Variants in MILR1 observed in about 807,000 individuals in gnomAD.
The protein encoded by MILR1 is mast cell immunoglobulin like receptor 1.
A neutral mutation model predicts 18.5 loss-of-function variants in MILR1; 31 were observed. The observed-to-expected ratio is 1.68, with a 90% CI of 1.26 to 2.26. The LOEUF (loss-of-function observed/expected upper bound fraction) is 2.26. Among genes scored for constraint, MILR1 ranks in the 30% most tolerant of loss-of-function variants. MILR1 has a pLI of 0.00. For synonymous variants in MILR1, 85 were observed against 56.2 expected, an observed-to-expected ratio of 1.51 and a Z score of -2.30; for missense variants, 257 against 157.4, an observed-to-expected ratio of 1.63 and a Z score of -3.38.
the MILR1 span, chr17:64,477,959 A>G: frequency 1.2e-6 from 2 of 1,613,952 alleles, no homozygotes; most frequent in Non-Finnish European, 1.7e-6. Flanking sequence ...AGTAACCAAA[A>G]CTGTGAAGAG....
the MILR1 span, chr17:64,496,434 CAGA>C: frequency 8.8e-6 from 14 of 1,587,344 alleles, no homozygotes; most frequent in African/African-American, 5.4e-5. Context: ...CGTAGTTTCC[CAGA>C]AGTTTTTAAT....
At chr17:64,483,135 C>T in the MILR1 span, 1 of 575,332 alleles carries the variant, frequency 1.7e-6, no homozygotes, top group South Asian at 2.2e-5. Context: ...TGTGTGAAAA[C>T]AGAAGTTAGC....
chr17:64,456,238 G>C (rs2037298123), intron 3 of MILR1, among the ~76,000 whole-genome samples: 2 of 151,462 alleles, frequency 1.3e-5, no homozygotes, highest in South Asian at 4.1e-4. Context: ...ATGAGATCAT[G>C]TGACTGGCAC....
chr17:64,490,819 G>T, the MILR1 span: 9 of 1,612,724 alleles, frequency 5.6e-6, no homozygotes, highest in Non-Finnish European at 7.6e-6. Context: ...ACATTGCCAG[G>T]ATACATGTGT....
the MILR1 span, among the ~76,000 whole-genome samples, chr17:64,487,678 T>G: frequency 1.4e-5 from 2 of 147,438 alleles, no homozygotes; most frequent in Admixed American, 1.3e-4. Context: ...GCGCTTTGAA[T>G]CAAACAAAAT....
chr17:64,474,068 ATT>A, the MILR1 span, among the ~76,000 whole-genome samples: 1 of 152,018 alleles, frequency 6.6e-6, no homozygotes, highest in South Asian at 2.1e-4. Flanking sequence ...TTTATTTTTC[ATT>A]TGTTATTATT....
intron 4 of MILR1, among the ~76,000 whole-genome samples, chr17:64,459,759 G>C (rs1198529761): frequency 6.6e-6 from 1 of 152,140 alleles, no homozygotes; most frequent in Non-Finnish European, 1.5e-5. Flanking sequence ...ACAGTGTCTG[G>C]CCTGCAGCTA....
At chr17:64,469,283 T>C (rs2037650126), downstream of MILR1, among the ~76,000 whole-genome samples, 1 of 152,196 alleles carries the variant, frequency 6.6e-6, no homozygotes, top group South Asian at 2.1e-4. Flanking sequence ...TCTGGTTTGC[T>C]GTGGATCCTG....
At chr17:64,482,601 A>G in the MILR1 span, among the ~76,000 whole-genome samples, 1 of 152,162 alleles carries the variant, frequency 6.6e-6, no homozygotes, top group Admixed American at 6.5e-5. Flanking sequence ...TACAGGCGTG[A>G]GCCACCACGC....
the MILR1 span, among the ~76,000 whole-genome samples, chr17:64,475,415 G>A: frequency 1.3e-5 from 2 of 151,844 alleles, no homozygotes; most frequent in Admixed American, 6.6e-5. Flanking sequence ...TTGGGAGGCC[G>A]AGGCGGGCGG....
chr17:64,486,009 C>T, the MILR1 span: 1 of 735,672 alleles, frequency 1.4e-6, no homozygotes, highest in Admixed American at 2.1e-5. Context: ...CTCTGCCTCC[C>T]AGGTTCAAGT....
downstream of MILR1, among the ~76,000 whole-genome samples, chr17:64,473,365 AAG>A (rs199525894): frequency 0.22 from 31,649 of 143,714 alleles, 6,412 homozygotes; most frequent in African/African-American, 0.56. Flanking sequence ...AAAAAAAAAA[AAG>A]AAGAAGTTAT....
the MILR1 span, chr17:64,492,613 A>G: frequency 1.0e-6 from 1 of 981,328 alleles, no homozygotes; most frequent in Non-Finnish European, 1.6e-6. Context: ...TACCACTGAC[A>G]CATTAAGACA....
the MILR1 span, among the ~76,000 whole-genome samples, chr17:64,488,292 T>C: frequency 2.0e-5 from 3 of 152,170 alleles, no homozygotes; most frequent in African/African-American, 7.2e-5. Context: ...TTTTATAACA[T>C]GTTCAACTAA....
the MILR1 span, chr17:64,496,951 G>T: frequency 6.2e-7 from 1 of 1,607,052 alleles, no homozygotes; most frequent in Non-Finnish European, 8.5e-7. Flanking sequence ...AGGCCCTGAC[G>T]GCTACACGAG....
the MILR1 span, chr17:64,496,660 G>A: frequency 6.2e-7 from 1 of 1,613,940 alleles, no homozygotes; most frequent in Non-Finnish European, 8.5e-7. Context: ...GCAACTCTAC[G>A]CCCAAGGGTC....
intron 8 of MILR1, among the ~76,000 whole-genome samples, chr17:64,467,010 CT>C (rs1185542873): frequency 5.5e-5 from 8 of 146,506 alleles, no homozygotes; most frequent in Non-Finnish European, 1.2e-4. Flanking sequence ...TTTATTTTTT[CT>C]TTTTCTTTCT....
downstream of MILR1, among the ~76,000 whole-genome samples, chr17:64,473,307 C>T (rs1203347437): frequency 6.6e-6 from 1 of 150,434 alleles, no homozygotes; most frequent in East Asian, 1.9e-4. Flanking sequence ...GCCCAGATCG[C>T]GCCACTGCAC....
the MILR1 span, among the ~76,000 whole-genome samples, chr17:64,481,847 C>T: frequency 6.6e-6 from 1 of 151,338 alleles, no homozygotes; most frequent in Non-Finnish European, 1.5e-5. Context: ...TGCACTCCAG[C>T]CTGGGTAACA....
Sources: allele counts gnomAD v4.1 joint callset (sites outside exome capture counted in the v4.1 genomes callset), GRCh38; gene constraint gnomAD v4.1.1; transcripts MANE v1.5; gene names NCBI Gene and HGNC (gene_info 2026-07-23, HGNC 2026-07-21).